CACNA2D3: variants seen among roughly 807,000 people sequenced by gnomAD.
CACNA2D3 encodes the protein calcium voltage-gated channel auxiliary subunit alpha2delta 3.
CACNA2D3 carries 60 observed loss-of-function variants against 160.6 expected under a neutral mutation model. That is an observed-to-expected ratio of 0.37 (90% CI 0.30 to 0.46). The LOEUF is 0.46. CACNA2D3 is among the 20% of genes least tolerant of loss of function. CACNA2D3 has a pLI of 1.00. For missense variants in CACNA2D3, 1,205 were observed against 1,365.0 expected, an observed-to-expected ratio of 0.88 and a Z score of 1.85; for synonymous variants, 558 against 492.9, an observed-to-expected ratio of 1.13 and a Z score of -1.75.
intron 3 of CACNA2D3, among the ~76,000 whole-genome samples, chr3:54,383,569 A>C (rs1368067779): frequency 1.3e-5 from 2 of 152,202 alleles, no homozygotes; most frequent in Non-Finnish European, 2.9e-5. Context: ...ATGGATGGAG[A>C]AGGAAATATG....
intron 27 of CACNA2D3, among the ~76,000 whole-genome samples, chr3:54,932,365 C>G (rs1701211142): frequency 6.6e-6 from 1 of 151,886 alleles, no homozygotes; most frequent in Admixed American, 6.6e-5. Context: ...GTTGGTTTGT[C>G]TGAAAATGGA....
chr3:54,867,683 A>T (rs1699434978), intron 17 of CACNA2D3, among the ~76,000 whole-genome samples: 1 of 152,154 alleles, frequency 6.6e-6, no homozygotes, highest in African/African-American at 2.4e-5. Context: ...CTTTCCCTGC[A>T]CTGGCTTCAT....
At chr3:54,910,707 C>A (rs568738485) in intron 27 of CACNA2D3, among the ~76,000 whole-genome samples, 2 of 152,282 alleles carry the variant, frequency 1.3e-5, no homozygotes, top group South Asian at 4.1e-4. Flanking sequence ...CTTACTTGAC[C>A]TTACTTGCCT....
chr3:54,899,970 T>G, intron 27 of CACNA2D3, 102 bp downstream of exon 27: 2 of 804,472 alleles, frequency 2.5e-6, no homozygotes, highest in Non-Finnish European at 4.1e-6. Context: ...CAAAAAGGTT[T>G]TCAAAGGAGA....
chr3:54,291,855 C>T (rs1277321839), intron 2 of CACNA2D3, among the ~76,000 whole-genome samples: 1 of 152,172 alleles, frequency 6.6e-6, no homozygotes, highest in Non-Finnish European at 1.5e-5. Context: ...GAGTAAATTT[C>T]TGTTACGTGC....
chr3:54,389,977 A>AT (rs973866409), intron 4 of CACNA2D3, among the ~76,000 whole-genome samples: 19 of 152,162 alleles, frequency 1.2e-4, no homozygotes, highest in Middle Eastern at 3.4e-3. Flanking sequence ...TCATTCTTTG[A>AT]TTTTTTCTGG....
chr3:54,286,943 G>C (rs1703044610), intron 2 of CACNA2D3, among the ~76,000 whole-genome samples: 1 of 152,138 alleles, frequency 6.6e-6, no homozygotes, highest in Non-Finnish European at 1.5e-5. Flanking sequence ...AACATGGAAA[G>C]GAACAACCAG....
At chr3:54,519,132 G>A (rs1701605724) in intron 5 of CACNA2D3, among the ~76,000 whole-genome samples, 2 of 152,270 alleles carry the variant, frequency 1.3e-5, no homozygotes, top group Non-Finnish European at 2.9e-5. Context: ...TGCCCTTTGG[G>A]GAGACATGAA....
chr3:54,267,572 G>A (rs967260945), intron 2 of CACNA2D3, among the ~76,000 whole-genome samples: 1 of 152,162 alleles, frequency 6.6e-6, no homozygotes, highest in Non-Finnish European at 1.5e-5. Context: ...ACAGAAGTTA[G>A]TCACTGTTTT....
intron 11 of CACNA2D3, among the ~76,000 whole-genome samples, chr3:54,734,739 G>T (rs1490714108): frequency 6.6e-6 from 1 of 152,174 alleles, no homozygotes; most frequent in East Asian, 1.9e-4. Context: ...TAATCCTTTG[G>T]AAATGCCTGT....
intron 10 of CACNA2D3, among the ~76,000 whole-genome samples, chr3:54,635,200 C>A (rs891522985): frequency 1.3e-5 from 2 of 151,794 alleles, no homozygotes; most frequent in South Asian, 4.2e-4. Context: ...TTTGTATGAA[C>A]TGAAAAACTA....
chr3:54,202,265 A>G (rs745728117), intron 2 of CACNA2D3, among the ~76,000 whole-genome samples: 26 of 152,162 alleles, frequency 1.7e-4, no homozygotes, highest in Admixed American at 9.2e-4. Flanking sequence ...CATTCAACCA[A>G]TTGTCCCCTT....
chr3:54,980,653 A>G (rs1399912002), intron 29 of CACNA2D3, among the ~76,000 whole-genome samples: 2 of 152,228 alleles, frequency 1.3e-5, no homozygotes, highest in Non-Finnish European at 2.9e-5. Flanking sequence ...AGCCTAGGAC[A>G]CCATAAGGTC....
chr3:54,289,726 C>T (rs1380272139), intron 2 of CACNA2D3, among the ~76,000 whole-genome samples: 2 of 152,264 alleles, frequency 1.3e-5, no homozygotes, highest in African/African-American at 2.4e-5. Flanking sequence ...ATCAATGGAA[C>T]AGAACAGAGC....
At chr3:54,656,381 A>G (rs894843425) in intron 11 of CACNA2D3, among the ~76,000 whole-genome samples, 1 of 152,144 alleles carries the variant, frequency 6.6e-6, no homozygotes, top group Non-Finnish European at 1.5e-5. Context: ...ACTGGCTGGG[A>G]CCCCAGTGAA....
intron 4 of CACNA2D3, among the ~76,000 whole-genome samples, chr3:54,459,072 T>C (rs1282478719): frequency 6.6e-6 from 1 of 152,126 alleles, no homozygotes; most frequent in Non-Finnish European, 1.5e-5. Context: ...GATTTCCAAT[T>C]TCATCCATGT....
chr3:54,314,580 T>C (rs1167993758), intron 2 of CACNA2D3, among the ~76,000 whole-genome samples: 2 of 152,132 alleles, frequency 1.3e-5, no homozygotes, highest in Non-Finnish European at 2.9e-5. Flanking sequence ...TATTTTTTGA[T>C]TTTTTTGATT....
At chr3:54,228,686 A>G (rs142486918) in intron 2 of CACNA2D3, among the ~76,000 whole-genome samples, 3,078 of 152,350 alleles carry the variant, frequency 0.02, 38 homozygotes, top group Middle Eastern at 0.051. Flanking sequence ...TGCTCTCAGC[A>G]GGCCTCTCCT....
intron 2 of CACNA2D3, among the ~76,000 whole-genome samples, chr3:54,313,894 T>A (rs1703802724): frequency 7.2e-6 from 1 of 138,576 alleles, no homozygotes; most frequent in Admixed American, 7.0e-5. Flanking sequence ...TTTCTTTAAA[T>A]TTTTTTTTTT....
Sources: allele counts gnomAD v4.1 joint callset (sites outside exome capture counted in the v4.1 genomes callset), GRCh38; gene constraint gnomAD v4.1.1; transcripts MANE v1.5; gene names NCBI Gene and HGNC (gene_info 2026-07-23, HGNC 2026-07-21).